KAT6A: variants seen among roughly 807,000 people sequenced by gnomAD.
KAT6A encodes the protein lysine acetyltransferase 6A.
Under a neutral mutation model 198.4 loss-of-function variants are expected in KAT6A, and 9 were observed. That is an observed-to-expected ratio of 0.05 (90% CI 0.03 to 0.08). KAT6A has a LOEUF of 0.08. KAT6A is among the 10% of genes least tolerant of loss of function. KAT6A has a pLI of 1.00. For missense variants in KAT6A, 2,077 were observed against 2,509.9 expected, an observed-to-expected ratio of 0.83 and a Z score of 3.69; for synonymous variants, 890 against 883.0, an observed-to-expected ratio of 1.01 and a Z score of -0.14.
intron 3 of KAT6A, among the ~76,000 whole-genome samples, chr8:41,984,573 A>G (rs1824512730): frequency 2.6e-5 from 4 of 152,230 alleles, no homozygotes; most frequent in Admixed American, 1.3e-4. Context: ...ACCTACAGAA[A>G]CAGTATGAAG....
At position 41,977,412 on chromosome 8, in the gene KAT6A, G is replaced by A; in HGVS notation, c.1044-85C>T. The stretch of plus-strand genomic sequence containing the variant: ...TTAATACATAACATATAATTAGTAA[G>A]TAACCTACAGCTTTATTAAAATCTA... On this transcript the variant is annotated intron_variant, in intron 6 of 16. Transcript: ENST00000265713. 5.0e-6 allele frequency: 4 copies of A among 795,916 alleles called. No individual in the cohort carries two copies. The South Asian group carries it at 5.7e-5, about 11-fold the overall frequency. 49.3% of individuals were successfully genotyped at this position (795,916 alleles called of 1,614,324 possible). A position where few individuals can be genotyped will look rare whatever the true frequency, so the allele number is the denominator to read the frequency against.
At chr8:42,020,062 T>C (rs1417009208) in intron 2 of KAT6A, among the ~76,000 whole-genome samples, 1 of 152,216 alleles carries the variant, frequency 6.6e-6, no homozygotes, top group Non-Finnish European at 1.5e-5. Context: ...ACCTTCTTTT[T>C]TTAAATAAAT....
chr8:41,955,254 A>C, intron 9 of KAT6A, 42 bp downstream of exon 9: 1 of 1,206,054 alleles, frequency 8.3e-7, no homozygotes, highest in Non-Finnish European at 1.2e-6. Flanking sequence ...CCAGACTTCT[A>C]TGGATCTCAA....
At chr8:42,040,297 G>A (rs1462882614) in intron 2 of KAT6A, among the ~76,000 whole-genome samples, 1 of 152,148 alleles carries the variant, frequency 6.6e-6, no homozygotes, top group East Asian at 1.9e-4. Flanking sequence ...AAGACCATTA[G>A]AACCTCTGGA....
In KAT6A at chr8:41,981,296, C is replaced by T. The variant is rs562396778; in HGVS notation, c.826-369G>A. Among the ~76,000 whole-genome samples, 69 of 152,046 alleles carry T rather than the reference C, an allele frequency of 4.5e-4. 1 individual carries two copies. The South Asian group carries it at 0.012, about 26-fold the overall frequency. ...TCGTGCCACTGCACTCCAGCCTGGG[C>T]GACAGAGTGAGACTCCTTCTCAAAA... is the stretch of plus-strand genomic sequence containing the variant. On this transcript the variant is annotated intron_variant, in intron 4 of 16. Coordinates refer to ENST00000265713, the MANE Select transcript of KAT6A (RefSeq NM_006766.5).
chr8:42,024,950 T>G (rs1378838401), intron 2 of KAT6A, among the ~76,000 whole-genome samples: 1 of 152,226 alleles, frequency 6.6e-6, no homozygotes, highest in Non-Finnish European at 1.5e-5. Flanking sequence ...CTCCTTCCTT[T>G]AGATAAACAC....
chr8:41,953,560 G>A (rs937532393), intron 9 of KAT6A, among the ~76,000 whole-genome samples: 10 of 152,110 alleles, frequency 6.6e-5, no homozygotes, highest in Non-Finnish European at 8.8e-5. Flanking sequence ...TGCAACCTCC[G>A]CCTCCCAGGT....
At chr8:42,001,795 C>T (rs1825505921) in intron 2 of KAT6A, among the ~76,000 whole-genome samples, 1 of 152,052 alleles carries the variant, frequency 6.6e-6, no homozygotes, top group African/African-American at 2.4e-5. Context: ...AAAAGACAAG[C>T]CTCAGTTGTC....
intron 2 of KAT6A, among the ~76,000 whole-genome samples, chr8:41,992,333 A>G (rs1228016370): frequency 6.6e-6 from 1 of 152,238 alleles, no homozygotes; most frequent in Admixed American, 6.5e-5. Flanking sequence ...CCATGAACGG[A>G]CAGAGAGCAG....
chr8:41,978,150 A>G (rs767660763), intron 6 of KAT6A, among the ~76,000 whole-genome samples: 66 of 152,234 alleles, frequency 4.3e-4, no homozygotes, highest in Non-Finnish European at 1.6e-4. Context: ...GAACACAAAA[A>G]TGGGACTTAG....
chr8:41,990,209 T>C (rs1296377771), intron 2 of KAT6A, among the ~76,000 whole-genome samples: 1 of 152,182 alleles, frequency 6.6e-6, no homozygotes, highest in East Asian at 1.9e-4. Context: ...AGTCATTCTG[T>C]AAGCAGTTAA....
intron 8 of KAT6A, 137 bp from the exon 9 acceptor site, chr8:41,955,548 A>G (rs1376439358): frequency 3.4e-6 from 2 of 591,728 alleles, no homozygotes; most frequent in South Asian, 2.1e-5. Context: ...ACAAGCTAAC[A>G]TATTTTGAAA....
chr8:41,957,855 C>A lies in KAT6A; in HGVS notation c.1483-2444G>T, dbSNP rs912479642. On this transcript the variant is annotated intron_variant, in intron 8 of 16. Transcript: ENST00000265713. ...TGACTCATCTAATTCCAGTTTGTAA[C>A]ATAAAAAAGGCCATTCTTGCAGTAT... The A allele has an allele frequency of 1.2e-4, 19 of 152,630 alleles. 1 individual carries two copies. Among genetic ancestry groups the A allele is most frequent in the African/African-American group, 4.6e-4 (19 of 41,412 alleles). The allele number at this position is 152,630 out of a possible 1,614,324, so 9.5% of individuals were successfully genotyped here. A position where few individuals can be genotyped will look rare whatever the true frequency, so the allele number is the denominator to read the frequency against.
chr8:41,943,056 T>C lies in KAT6A; in HGVS notation c.2229-56A>G. 3.7e-6 allele frequency: 6 copies of C among 1,604,050 alleles called. No individual in the cohort carries two copies. The South Asian group carries it at 5.6e-5, about 15-fold the overall frequency. On this transcript the variant is annotated intron_variant, in intron 13 of 16. Coordinates refer to ENST00000265713, the MANE Select transcript of KAT6A (RefSeq NM_006766.5). Reference sequence around the variant, plus strand: ...ACAATGTACAAGGTGTACATAAAAATGAATGTGGAGATGAGACCCCTGGTG... The same window carrying C: ...ACAATGTACAAGGTGTACATAAAAACGAATGTGGAGATGAGACCCCTGGTG...
At chr8:41,959,913 G>A (rs1255826077) in intron 8 of KAT6A, among the ~76,000 whole-genome samples, 2 of 151,180 alleles carry the variant, frequency 1.3e-5, no homozygotes, top group African/African-American at 4.9e-5. Context: ...CCAAGATCGC[G>A]CAACTGCACT....
intron 2 of KAT6A, among the ~76,000 whole-genome samples, chr8:42,008,580 C>A (rs1017924420): frequency 6.6e-6 from 1 of 152,206 alleles, no homozygotes; most frequent in East Asian, 1.9e-4. Context: ...CTCAAGTGAT[C>A]CGCCTGCCTC....
intron 2 of KAT6A, among the ~76,000 whole-genome samples, chr8:41,992,077 T>G (rs200849347): frequency 1.4e-4 from 21 of 152,176 alleles, no homozygotes; most frequent in African/African-American, 5.1e-4. Context: ...GGTGAGCACC[T>G]GTAGTCCCAG....
chr8:42,002,480 G>T (rs1825544523), intron 2 of KAT6A, among the ~76,000 whole-genome samples: 1 of 152,144 alleles, frequency 6.6e-6, no homozygotes, highest in Admixed American at 6.5e-5. Context: ...AGTATCACTT[G>T]AACCTGGGGG....
At chr8:41,944,856 T>C (rs961153161) in intron 12 of KAT6A, among the ~76,000 whole-genome samples, 12 of 152,146 alleles carry the variant, frequency 7.9e-5, no homozygotes, top group African/African-American at 2.7e-4. Context: ...CTGAGTTCCA[T>C]CCCCTACTGC....
Sources: gnomAD v4.1 joint callset for allele counts (sites outside exome capture counted in the v4.1 genomes callset) on GRCh38, gnomAD v4.1.1 for gene constraint, MANE v1.5 for transcripts, NCBI Gene and HGNC (gene_info 2026-07-23, HGNC 2026-07-21) for gene names.